Variants in PSMD12 observed in about 807,000 individuals in gnomAD.
PSMD12 encodes the protein proteasome 26S subunit, non-ATPase 12, also known as 26S proteasome non-ATPase regulatory subunit 12.
A neutral mutation model predicts 62.9 loss-of-function variants in PSMD12; 8 were observed. The observed-to-expected ratio is 0.13, with a 90% CI of 0.07 to 0.23. PSMD12 has a LOEUF of 0.23. PSMD12 is among the 10% of genes least tolerant of loss of function. The probability of loss-of-function intolerance (pLI) is 1.00; values close to 1 mark genes in which losing one functional copy is unlikely to be tolerated. For synonymous variants in PSMD12, 173 were observed against 187.4 expected (o/e 0.92, Z 0.63); for missense variants, 424 against 550.2 (o/e 0.77, Z 2.29).
chr17:67,347,810 C>A (rs1043668133), intron 5 of PSMD12, among the ~76,000 whole-genome samples: 1 of 152,154 alleles, frequency 6.6e-6, no homozygotes, highest in East Asian at 1.9e-4. Flanking sequence ...ACTCATAAGC[C>A]CTCCTAAGAC....
At chr17:67,352,067 C>T (rs1034470004) in intron 3 of PSMD12, among the ~76,000 whole-genome samples, 2 of 145,584 alleles carry the variant, frequency 1.4e-5, no homozygotes, top group African/African-American at 2.6e-5. Context: ...GCGACAAGAG[C>T]GAGAATCTCT....
Position 67,340,976 on chromosome 17 carries a change from A to G in PSMD12, c.1238T>C (p.Ile413Thr), listed in dbSNP as rs879256358. 4.4e-6 allele frequency: 7 copies of G among 1,578,188 alleles called. No individual in the cohort carries two copies. The highest frequency in any genetic ancestry group is 2.8e-5 in the African/African-American group (2 of 72,154). Residue 413 changes from isoleucine to threonine, a missense_variant, in exon 11 of 11, where the codon ATC becomes ACC. Transcript: ENST00000356126. Reference protein sequence around the residue: ...FAKVDRLAGIINFQRPKDPNN... With the variant: ...FAKVDRLAGITNFQRPKDPNN... Reference sequence around the variant, plus strand: ...TGGATCCTTGGGTCTCTGGAAGTTGATAATTCCTGCTAATCTGTCTACTTT... The same window carrying G: ...TGGATCCTTGGGTCTCTGGAAGTTGGTAATTCCTGCTAATCTGTCTACTTT...
At chr17:67,343,726 C>T (rs568601915) in intron 9 of PSMD12, among the ~76,000 whole-genome samples, 6 of 152,030 alleles carry the variant, frequency 3.9e-5, no homozygotes, top group South Asian at 2.1e-4. Flanking sequence ...TTTTTTGAGA[C>T]GGCGTCTTGC....
In PSMD12 at chr17:67,356,557, C is replaced by CAAAAAAAAAA. The variant is rs35353017; in HGVS notation, c.297+736_297+745dup. On this transcript the variant is annotated intron_variant, in intron 3 of 10. Coordinates refer to ENST00000356126, the MANE Select transcript of PSMD12 (RefSeq NM_002816.5). ...TGGGCGACAGAGCGAGACTCCGTCTCAAAAAAAAAAAAAAAAAAAAAAAAA... is the reference window on the plus strand; with the variant it reads ...TGGGCGACAGAGCGAGACTCCGTCTCAAAAAAAAAAAAAAAAAAAAAAAAAAAAAAAAAAA... Among the ~76,000 whole-genome samples, 75 of 14,994 alleles carry CAAAAAAAAAA rather than the reference C, an allele frequency of 5.0e-3. 6 individuals are homozygous for CAAAAAAAAAA. Among genetic ancestry groups the CAAAAAAAAAA allele is most frequent in the East Asian group, 0.02 (3 of 152 alleles). 9.8% of individuals were successfully genotyped at this position (14,994 alleles called of 152,430 possible).
chr17:67,358,567 CAAAAAAAAA>C (rs398039153), intron 1 of PSMD12, among the ~76,000 whole-genome samples: 1 of 74,076 alleles, frequency 1.3e-5, no homozygotes, highest in Non-Finnish European at 2.5e-5. Flanking sequence ...GAACCTGTCT[CAAAAAAAAA>C]AAAAAAAAAA....
intron 3 of PSMD12, among the ~76,000 whole-genome samples, chr17:67,351,873 C>T (rs990394629): frequency 1.3e-5 from 2 of 150,990 alleles, no homozygotes; most frequent in East Asian, 1.9e-4. Flanking sequence ...CTGAGGCCGG[C>T]GGATCACGAG....
At chr17:67,362,284 A>G (rs2042138297) in intron 1 of PSMD12, among the ~76,000 whole-genome samples, 1 of 152,224 alleles carries the variant, frequency 6.6e-6, no homozygotes, top group Admixed American at 6.5e-5. Context: ...GCAAAGAGAT[A>G]ACCATCATCA....
chr17:67,357,265 T>G, intron 3 of PSMD12, 38 bp downstream of exon 3: 1 of 1,578,116 alleles, frequency 6.3e-7, no homozygotes, highest in South Asian at 1.2e-5. Flanking sequence ...GAAATACAAA[T>G]GCTTTTGTGT....
At position 67,345,779 on chromosome 17, in the gene PSMD12, C is replaced by T. The variant is rs199855819; in HGVS notation, c.874G>A (p.Gly292Ser). 2.5e-6 allele frequency: 4 copies of T among 1,612,746 alleles called. No individual in the cohort carries two copies. The highest frequency in any genetic ancestry group is 1.7e-5 in the Admixed American group (1 of 60,002). ...GGAATTTCTTCTAACTTCTTGTCAC[C>T]ACTTATTCGGTGAACCAAATCTGAC... is the stretch of plus-strand genomic sequence containing the variant. ...EQSDLVHRIS[G>S]DKKLEEIPKY... is the part of the protein sequence containing the mutation. Residue 292 changes from glycine (G) to serine (S), a missense_variant, in exon 8 of 11, where the codon GGT (glycine) becomes AGT (serine). Gly to Ser is a moderately conservative substitution (Grantham distance 56, BLOSUM62 0). Transcript: ENST00000356126.
intron 3 of PSMD12, among the ~76,000 whole-genome samples, chr17:67,352,068 G>C (rs1354873888): frequency 6.8e-6 from 1 of 146,856 alleles, no homozygotes; most frequent in African/African-American, 2.5e-5. Context: ...CGACAAGAGC[G>C]AGAATCTCTC....
chr17:67,361,873 TAAAAAAAAAAAAAAAAAAAAAAAAA>T (rs530989643), intron 1 of PSMD12, among the ~76,000 whole-genome samples: 3 of 39,598 alleles, frequency 7.6e-5, no homozygotes, highest in African/African-American at 1.1e-4. Context: ...TCCCTGTATC[TAAAAAAAAAAAAAAAAAAAAAAAAA>T]AAAAAAAAAA....
chr17:67,345,605 A>G lies in PSMD12; in HGVS notation c.908+140T>C, dbSNP rs555125957. 5.9e-6 allele frequency: 4 copies of G among 676,730 alleles called. No homozygotes were observed. In the East Asian group the frequency reaches 1.1e-4, roughly 19 times the overall value. 41.9% of individuals were successfully genotyped at this position (676,730 alleles called of 1,614,324 possible). On this transcript the variant is annotated intron_variant, in intron 8 of 10. Coordinates refer to ENST00000356126, the MANE Select transcript of PSMD12 (RefSeq NM_002816.5). The stretch of plus-strand genomic sequence containing the variant: ...TGCAGTGAGCTGAGATTACACCATT[A>G]CACTCCAGTGTGGGCAACAATAGTA...
chr17:67,354,060 T>G (rs1259854381), intron 3 of PSMD12, among the ~76,000 whole-genome samples: 3 of 152,246 alleles, frequency 2.0e-5, no homozygotes, highest in Non-Finnish European at 4.4e-5. Context: ...ATAGGCTGCA[T>G]GTCTCTTCAC....
rs1366676533 is a variant in PSMD12 at position 67,340,892 on chromosome 17, T to G, written c.1322A>C (p.Lys441Thr). ...CTCTTTGGCTATGAGATGCGTAGTTTTGTTAACCAGAGACATTAATGAGTT... is the reference window on the plus strand; with the variant it reads ...CTCTTTGGCTATGAGATGCGTAGTTGTGTTAACCAGAGACATTAATGAGTT... The part of the protein sequence containing the change: ...KLNSLMSLVN[K>T]TTHLIAKEEM... The change falls in exon 11 of 11, where the codon AAA becomes ACA. Residue 441 changes from lysine (K) to threonine (T), a missense_variant. By Grantham distance (78) the Lys-to-Thr change is moderately conservative. Transcript: ENST00000356126. 6.3e-7 allele frequency: 1 copy of G among 1,597,410 alleles called. No individual in the cohort carries two copies. The highest frequency in any genetic ancestry group is 1.4e-5 in the African/African-American group (1 of 73,682).
chr17:67,360,037 C>A (rs530221291), intron 1 of PSMD12, among the ~76,000 whole-genome samples: 92 of 152,304 alleles, frequency 6.0e-4, no homozygotes, highest in African/African-American at 2.0e-3. Context: ...AGATCCGGGG[C>A]TCCTGCCTCA....
chr17:67,357,357 A>G lies in PSMD12; in HGVS notation c.243T>C (p.Asp81=), dbSNP rs879042116. The change falls in exon 3 of 11, where the codon GAT becomes GAC. Residue 81 remains aspartate, a synonymous_variant. Coordinates refer to ENST00000356126, the MANE Select transcript of PSMD12 (RefSeq NM_002816.5). ...VKMCYEAKEW[D]LLNENIMLLS... ...AAAGCATAATATTTTCATTAAGTAA[A>G]TCCCATTCTTTAGCCTCATAGCACA... The G allele has an allele frequency of 1.9e-6, 3 of 1,613,912 alleles. No individual in the cohort carries two copies. In the South Asian group the frequency reaches 3.3e-5, roughly 18 times the overall value.
At position 67,339,119 on chromosome 17, in the gene PSMD12, T is replaced by G. The variant is rs2143672444; in HGVS notation, c.*1724A>C. ...TCTGAACTTTCCAGTTTTGTTTTTT[T>G]TTTTTTGAGACGGAGTCTCACTCTG... On this transcript the variant is annotated 3_prime_UTR_variant, in exon 11 of 11. Transcript: ENST00000356126. The G allele has an allele frequency of 6.6e-6, 1 of 152,284 alleles. No individual in the cohort carries two copies. Among genetic ancestry groups the G allele is most frequent in the South Asian group, 2.1e-4 (1 of 4,824 alleles). The allele number at this position is 152,284 out of a possible 1,614,324, so 9.4% of individuals were successfully genotyped here.
chr17:67,349,650 A>C (rs888850313), intron 4 of PSMD12, among the ~76,000 whole-genome samples: 4 of 152,236 alleles, frequency 2.6e-5, no homozygotes, highest in Admixed American at 6.5e-5. Flanking sequence ...TTTAAATACA[A>C]GACTACCTTC....
intron 1 of PSMD12, among the ~76,000 whole-genome samples, chr17:67,360,478 T>C (rs1034449773): frequency 1.3e-5 from 2 of 152,236 alleles, no homozygotes; most frequent in Non-Finnish European, 2.9e-5. Context: ...ACTCTGCAAT[T>C]ACCCCAAACT....
Sources: allele counts gnomAD v4.1 joint callset (sites outside exome capture counted in the v4.1 genomes callset), GRCh38; gene constraint gnomAD v4.1.1; transcripts MANE v1.5; gene names NCBI Gene and HGNC (gene_info 2026-07-23, HGNC 2026-07-21).